VPS50: variants seen among roughly 807,000 people sequenced by gnomAD.
VPS50 encodes the protein syndetin.
In VPS50, 70 loss-of-function variants were observed where a neutral mutation model predicts 139.7. The ratio of observed to expected loss-of-function variants is 0.50; its 90% CI spans 0.41 to 0.61. VPS50 has a LOEUF of 0.61. Among genes scored for constraint, VPS50 ranks in the 20% least tolerant of loss-of-function variants. VPS50 has a pLI of 0.00. For synonymous variants in VPS50, 365 were observed against 376.7 expected (o/e 0.97, Z 0.36); for missense variants, 921 against 1,133.7 (o/e 0.81, Z 2.69).
chr7:93,260,759 G>A (rs1006162823), intron 9 of VPS50, among the ~76,000 whole-genome samples: 1 of 151,838 alleles, frequency 6.6e-6, no homozygotes, highest in Admixed American at 6.6e-5. Flanking sequence ...GCAGTGGCGT[G>A]ATCTTGGCTC....
chr7:93,236,835 T>C (rs1389552157), intron 1 of VPS50, among the ~76,000 whole-genome samples: 2 of 152,062 alleles, frequency 1.3e-5, no homozygotes, highest in Non-Finnish European at 2.9e-5. Flanking sequence ...AAAGCATTTC[T>C]GTCATAATAA....
chr7:93,328,700 C>T (rs1007994228), intron 21 of VPS50, among the ~76,000 whole-genome samples: 8 of 152,032 alleles, frequency 5.3e-5, no homozygotes, highest in Non-Finnish European at 1.0e-4. Flanking sequence ...GTCCATGCGG[C>T]CCACGGTGGG....
intron 20 of VPS50, among the ~76,000 whole-genome samples, chr7:93,313,272 C>T (rs959872954): frequency 3.3e-4 from 50 of 152,120 alleles, no homozygotes; most frequent in African/African-American, 1.2e-3. Context: ...CACTGCAAGT[C>T]AAGGGAAGTG....
At chr7:93,271,529 A>G (rs1796010364) in intron 10 of VPS50, among the ~76,000 whole-genome samples, 1 of 151,806 alleles carries the variant, frequency 6.6e-6, no homozygotes, top group South Asian at 2.1e-4. Flanking sequence ...GTTCTCATAT[A>G]AATTATATAA....
At chr7:93,278,626 A>G (rs1020110901) in intron 12 of VPS50, among the ~76,000 whole-genome samples, 2 of 151,160 alleles carry the variant, frequency 1.3e-5, no homozygotes, top group East Asian at 1.9e-4. Context: ...GTGTAAAATA[A>G]TCTTTTGAAG....
At chr7:93,240,032 A>T in intron 2 of VPS50, 98 bp downstream of exon 2, 1 of 750,950 alleles carries the variant, frequency 1.3e-6, no homozygotes. Flanking sequence ...TCTTTCCCAC[A>T]GGCAGATGGT....
chr7:93,313,351 G>A (rs1171006705), intron 20 of VPS50, among the ~76,000 whole-genome samples: 2 of 152,138 alleles, frequency 1.3e-5, no homozygotes, highest in Non-Finnish European at 2.9e-5. Flanking sequence ...CTAAGCAGTT[G>A]TTTATATTTT....
At position 93,296,766 on chromosome 7, in the gene VPS50, T is replaced by G; in HGVS notation, c.1192T>G (p.Tyr398Asp). Residue 398 changes from tyrosine to aspartate, a missense_variant, in exon 15 of 28, where the codon TAC becomes GAC. Tyr to Asp is a radical substitution (Grantham distance 160, BLOSUM62 -3). Around this residue, in one of 3 missense-constraint regions of VPS50, gnomAD observed 744 missense variants for 930.6 expected, o/e 0.80. Transcript: ENST00000305866. ...GGATGTTCAGCTAAAAGTAAAAACCTACTTGCTTGGAACTGATTTGTCTAT... is the reference window on the plus strand; with the variant it reads ...GGATGTTCAGCTAAAAGTAAAAACCGACTTGCTTGGAACTGATTTGTCTAT... The part of the protein sequence containing the change: ...WQDVQLKVKT[Y>D]LLGTDLSIFK... 6.2e-7 allele frequency: 1 copy of G among 1,605,050 alleles called. No individual in the cohort carries two copies. Among genetic ancestry groups the G allele is most frequent in the Non-Finnish European group, 8.5e-7 (1 of 1,178,210 alleles).
intron 23 of VPS50, among the ~76,000 whole-genome samples, chr7:93,343,544 A>C (rs1174783273): frequency 6.6e-6 from 1 of 152,142 alleles, no homozygotes; most frequent in East Asian, 1.9e-4. Flanking sequence ...GATTCACCAA[A>C]GTTGAAATGA....
At position 93,359,904 on chromosome 7, in the gene VPS50, A is replaced by C. The variant is rs1260365234; in HGVS notation, c.*1468A>C. The C allele has an allele frequency of 6.6e-6, 1 of 152,132 alleles. No individual in the cohort carries two copies. Among genetic ancestry groups the C allele is most frequent in the African/African-American group, 2.4e-5 (1 of 41,428 alleles). The allele number at this position is 152,132 out of a possible 1,614,324, so 9.4% of individuals were successfully genotyped here. On this transcript the variant is annotated 3_prime_UTR_variant, in exon 28 of 28. Transcript: ENST00000305866. ...TTTTCTTTTCATCCTCTCATGTCGG[A>C]GTTCATTTACTGTCAATTTAAAACT...
At chr7:93,326,499 G>GA (rs1053373099) in intron 21 of VPS50, among the ~76,000 whole-genome samples, 4 of 145,060 alleles carry the variant, frequency 2.8e-5, no homozygotes, top group Admixed American at 6.9e-5. Context: ...TTGAAACCCA[G>GA]AAAAAAAAAT....
At chr7:93,254,093 T>G (rs1050767671) in intron 4 of VPS50, among the ~76,000 whole-genome samples, 162 bp downstream of exon 4, 1 of 152,248 alleles carries the variant, frequency 6.6e-6, no homozygotes, top group Admixed American at 6.5e-5. Context: ...CATTAAAAAT[T>G]TAATGCGTAT....
Position 93,358,504 on chromosome 7 carries a change from T to C in VPS50, c.*68T>C, listed in dbSNP as rs184288073. 4.6e-5 allele frequency: 60 copies of C among 1,308,436 alleles called. No individual in the cohort carries two copies. The African/African-American group carries it at 8.4e-4, about 18-fold the overall frequency. 81.1% of individuals were successfully genotyped at this position (1,308,436 alleles called of 1,614,324 possible). On this transcript the variant is annotated 3_prime_UTR_variant, in exon 28 of 28. Coordinates refer to ENST00000305866, the MANE Select transcript of VPS50 (RefSeq NM_017667.4). ...ACATATATGACCTGAAAGCCAGTTTTTTTATGCACTTCTGACAACTATCTG... is the reference window on the plus strand; with the variant it reads ...ACATATATGACCTGAAAGCCAGTTTCTTTATGCACTTCTGACAACTATCTG...
chr7:93,313,198 G>A (rs1797322182), intron 20 of VPS50, among the ~76,000 whole-genome samples: 1 of 152,122 alleles, frequency 6.6e-6, no homozygotes, highest in African/African-American at 2.4e-5. Context: ...CCTCTGACAT[G>A]TCATGGCCAA....
intron 26 of VPS50, among the ~76,000 whole-genome samples, chr7:93,354,409 T>C (rs1397502536): frequency 1.3e-5 from 2 of 151,882 alleles, no homozygotes; most frequent in Non-Finnish European, 2.9e-5. Context: ...TTCTTGTGCC[T>C]CAGCCTCCTG....
At chr7:93,338,745 A>G (rs1798133310) in intron 22 of VPS50, among the ~76,000 whole-genome samples, 1 of 152,166 alleles carries the variant, frequency 6.6e-6, no homozygotes, top group South Asian at 2.1e-4. Context: ...CTTTAAAACC[A>G]GGGAGTGTTA....
intron 9 of VPS50, among the ~76,000 whole-genome samples, chr7:93,269,222 A>G (rs1795934249): frequency 6.6e-6 from 1 of 152,118 alleles, no homozygotes; most frequent in Non-Finnish European, 1.5e-5. Flanking sequence ...AATAGTTTTC[A>G]TTCTTCATTC....
chr7:93,320,365 T>C (rs895986797), intron 20 of VPS50: 1 of 151,400 alleles, frequency 6.6e-6, no homozygotes, highest in African/African-American at 2.4e-5. Flanking sequence ...TCTTTTTCTT[T>C]TTTTTTTTAG....
chr7:93,347,212 AAC>A (rs1798421907), intron 23 of VPS50, among the ~76,000 whole-genome samples: 3 of 147,292 alleles, frequency 2.0e-5, no homozygotes, highest in Non-Finnish European at 4.5e-5. Flanking sequence ...GCAGCCAAAA[AAC>A]ACATGAAAAA....
Sources: allele counts gnomAD v4.1 joint callset (sites outside exome capture counted in the v4.1 genomes callset), GRCh38; gene constraint gnomAD v4.1.1; regional missense constraint gnomAD v4.1.1; transcripts MANE v1.5; gene names NCBI Gene and HGNC (gene_info 2026-07-23, HGNC 2026-07-21).